TCF7L1: variants seen among roughly 807,000 people sequenced by gnomAD.
TCF7L1 encodes transcription factor 7-like 1.
Under a neutral mutation model 63.7 loss-of-function variants are expected in TCF7L1, and 18 were observed. The observed-to-expected ratio is 0.28, with a 90% CI of 0.20 to 0.42. TCF7L1 has a LOEUF of 0.42. Ranked by LOEUF, TCF7L1 falls within the 10% of genes least tolerant of loss-of-function variation. The probability of loss-of-function intolerance (pLI) is 1.00; values close to 1 mark genes in which losing one functional copy is unlikely to be tolerated. For synonymous variants in TCF7L1, 355 were observed against 340.9 expected, an observed-to-expected ratio of 1.04 and a Z score of -0.46; for missense variants, 654 against 779.3, an observed-to-expected ratio of 0.84 and a Z score of 1.91.
intron 4 of TCF7L1, among the ~76,000 whole-genome samples, chr2:85,288,141 T>G (rs1343968650): frequency 6.6e-6 from 1 of 152,114 alleles, no homozygotes; most frequent in African/African-American, 2.4e-5. Flanking sequence ...ACTGTTTAAT[T>G]AGCAAAACTA....
chr2:85,291,352 T>C (rs1358216621), intron 4 of TCF7L1, among the ~76,000 whole-genome samples: 1 of 152,224 alleles, frequency 6.6e-6, no homozygotes, highest in Non-Finnish European at 1.5e-5. Context: ...TTGTGCTGAA[T>C]ATCTAAATTC....
intron 4 of TCF7L1, among the ~76,000 whole-genome samples, chr2:85,297,550 G>T (rs1681859768): frequency 2.0e-5 from 3 of 152,212 alleles, no homozygotes; most frequent in Admixed American, 2.0e-4. Context: ...CTCAGGCCAG[G>T]CGCAGTGCCT....
chr2:85,200,432 G>A (rs560796156), intron 3 of TCF7L1, among the ~76,000 whole-genome samples: 1 of 152,270 alleles, frequency 6.6e-6, no homozygotes, highest in East Asian at 1.9e-4. Flanking sequence ...AATAAAGTAA[G>A]CTAAAGAAAA....
intron 3 of TCF7L1, among the ~76,000 whole-genome samples, chr2:85,135,882 A>G (rs1415557354): frequency 1.4e-5 from 2 of 144,790 alleles, no homozygotes; most frequent in South Asian, 2.4e-4. Context: ...ATGTGGGTCT[A>G]TGGCTGTTGC....
chr2:85,241,437 GTTTTTTT>G (rs772334481), intron 3 of TCF7L1, among the ~76,000 whole-genome samples: 284 of 83,038 alleles, frequency 3.4e-3, no homozygotes, highest in Non-Finnish European at 5.8e-3. Context: ...CTTTGTTTTT[GTTTTTTT>G]TTTTTTTTTT....
Position 85,305,046 on chromosome 2 carries a change from A to T in TCF7L1, c.846-214A>T, listed in dbSNP as rs115963894. On this transcript the variant is annotated intron_variant, in intron 7 of 11. Coordinates refer to ENST00000282111, the MANE Select transcript of TCF7L1 (RefSeq NM_031283.3). ...TCATCCCACCTGCTTCCAGCACCAG[A>T]TGGGCAGCCTGGGTGTTGGTGGGGA... Among the ~76,000 whole-genome samples the T allele has an allele frequency of 2.0e-3, 308 of 152,234 alleles. 1 individual carries two copies. The highest frequency in any genetic ancestry group is 7.1e-3 in the African/African-American group (294 of 41,534).
At position 85,302,578 on chromosome 2, in the gene TCF7L1, C is replaced by T; in HGVS notation, c.620C>T (p.Pro207Leu). 6.3e-7 allele frequency: 1 copy of T among 1,583,304 alleles called. No individual in the cohort carries two copies. Among genetic ancestry groups the T allele is most frequent in the Non-Finnish European group, 8.7e-7 (1 of 1,154,306 alleles). ...YSNDHFSPGS[P>L]PTHLSPEIDP... is the part of the protein sequence containing the mutation. ...AATGACCACTTCTCCCCCGGCTCCC[C>T]TCCCACCCACCTCTCCCCAGAGATC... The change falls in exon 5 of 12, where the codon CCT (proline) becomes CTT (leucine). Residue 207 changes from proline (P) to leucine (L), a missense_variant. By Grantham distance (98) the Pro-to-Leu change is moderately conservative. This residue lies in a region of TCF7L1 where 404 missense variants were observed against 454.8 expected (regional missense o/e 0.89). Coordinates refer to ENST00000282111, the MANE Select transcript of TCF7L1 (RefSeq NM_031283.3).
chr2:85,214,106 G>A (rs564779855), intron 3 of TCF7L1, among the ~76,000 whole-genome samples: 51 of 152,278 alleles, frequency 3.3e-4, no homozygotes, highest in African/African-American at 1.1e-3. Flanking sequence ...GGGAACCCAG[G>A]CATTCCAGCC....
At chr2:85,239,332 C>A (rs891905193) in intron 3 of TCF7L1, among the ~76,000 whole-genome samples, 1 of 152,132 alleles carries the variant, frequency 6.6e-6, no homozygotes, top group African/African-American at 2.4e-5. Flanking sequence ...GCCCTCCAGA[C>A]CCCTCCCTGC....
intron 3 of TCF7L1, among the ~76,000 whole-genome samples, chr2:85,197,080 CTAAG>C (rs1480473604): frequency 6.6e-6 from 1 of 152,208 alleles, no homozygotes; most frequent in Non-Finnish European, 1.5e-5. Context: ...CACCCCCAGC[CTAAG>C]TAAGTCCTCC....
At chr2:85,254,753 C>T (rs979033899) in intron 3 of TCF7L1, among the ~76,000 whole-genome samples, 2 of 152,202 alleles carry the variant, frequency 1.3e-5, no homozygotes, top group African/African-American at 4.8e-5. Context: ...CTCCCCTGCC[C>T]CCACCCTGTC....
chr2:85,167,123 G>A (rs556193242), intron 3 of TCF7L1: 1 of 152,136 alleles, frequency 6.6e-6, no homozygotes, highest in Non-Finnish European at 1.5e-5. Flanking sequence ...CAGTTTCCTT[G>A]GTTAAAGTTT....
Position 85,307,254 on chromosome 2 carries a change from C to T in TCF7L1, c.1258-388C>T, listed in dbSNP as rs560182670. Among the ~76,000 whole-genome samples, 8 of 152,262 alleles carry T rather than the reference C, an allele frequency of 5.3e-5. No individual in the cohort carries two copies. In the East Asian group the frequency reaches 5.8e-4, roughly 11 times the overall value. ...CGGAAACCAAGCCAATTTTCGCATG[C>T]GTGTTCTTCTTTGCTTTTTTTCTGG... On this transcript the variant is annotated intron_variant, in intron 10 of 11. Coordinates refer to ENST00000282111, the MANE Select transcript of TCF7L1 (RefSeq NM_031283.3).
chr2:85,199,221 TC>T (rs1338634730), intron 3 of TCF7L1, among the ~76,000 whole-genome samples: 1 of 152,120 alleles, frequency 6.6e-6, no homozygotes, highest in Non-Finnish European at 1.5e-5. Flanking sequence ...TGTAATTCAG[TC>T]CCTGCCCAGC....
At chr2:85,136,743 G>C (rs1442451316) in intron 3 of TCF7L1, among the ~76,000 whole-genome samples, 1 of 152,146 alleles carries the variant, frequency 6.6e-6, no homozygotes, top group Non-Finnish European at 1.5e-5. Context: ...CCTTAGGTCA[G>C]CACAGTTAAA....
At chr2:85,175,274 C>G (rs571460142) in intron 3 of TCF7L1, among the ~76,000 whole-genome samples, 7 of 152,182 alleles carry the variant, frequency 4.6e-5, no homozygotes, top group Non-Finnish European at 1.0e-4. Flanking sequence ...CCCCTGCCCC[C>G]ACAATTGTTA....
chr2:85,201,532 G>C, intron 3 of TCF7L1, among the ~76,000 whole-genome samples: 1 of 152,112 alleles, frequency 6.6e-6, no homozygotes, highest in Non-Finnish European at 1.5e-5. Context: ...TCCAAAAAAT[G>C]TTCCAATATA....
chr2:85,216,830 C>T (rs569825199), intron 3 of TCF7L1, among the ~76,000 whole-genome samples: 3 of 152,294 alleles, frequency 2.0e-5, no homozygotes, highest in Admixed American at 6.5e-5. Context: ...AATAAAATGT[C>T]ACCTGAAATA....
chr2:85,297,650 C>T (rs1004212093), intron 4 of TCF7L1, among the ~76,000 whole-genome samples: 7 of 152,038 alleles, frequency 4.6e-5, no homozygotes, highest in African/African-American at 1.7e-4. Flanking sequence ...CATGGCAAAC[C>T]CCCATCTCTA....
Sources: gnomAD v4.1 joint callset for allele counts (sites outside exome capture counted in the v4.1 genomes callset) on GRCh38, gnomAD v4.1.1 for gene constraint, gnomAD v4.1.1 regional missense constraint, MANE v1.5 for transcripts, NCBI Gene and HGNC (gene_info 2026-07-23, HGNC 2026-07-21) for gene names.